The following RBFOX1 variants were observed in gnomAD, a reference collection of about 807,000 sequenced individuals.
The protein encoded by RBFOX1 is RNA binding protein fox-1 homolog 1.
Under a neutral mutation model 57.7 loss-of-function variants are expected in RBFOX1, and 8 were observed. The ratio of observed to expected loss-of-function variants is 0.14; its 90% CI spans 0.08 to 0.25. The LOEUF (loss-of-function observed/expected upper bound fraction) is 0.25, where lower values mean the gene tolerates loss of function less well. RBFOX1 is among the 10% of genes least tolerant of loss of function. RBFOX1 has a pLI of 1.00. For missense variants in RBFOX1, 611 were observed against 548.5 expected (o/e 1.11, Z -1.14); for synonymous variants, 326 against 222.4 (o/e 1.47, Z -4.15).
At chr16:6,821,974 G>A (rs907562657) in intron 3 of RBFOX1, among the ~76,000 whole-genome samples, 4 of 152,102 alleles carry the variant, frequency 2.6e-5, no homozygotes, top group Non-Finnish European at 5.9e-5. Flanking sequence ...TACTGTTTGG[G>A]GATGGATGAT....
In RBFOX1 at chr16:6,461,018, C is replaced by T. The variant is rs1207754042; in HGVS notation, c.-64+143961C>T. Among the ~76,000 whole-genome samples the T allele has an allele frequency of 2.0e-5, 3 of 152,138 alleles. No individual in the cohort carries two copies. The East Asian group carries it at 5.8e-4, about 29-fold the overall frequency. On this transcript the variant is annotated intron_variant, in intron 2 of 15. Coordinates refer to ENST00000550418, the MANE Select transcript of RBFOX1 (RefSeq NM_018723.4). ...TAAAGCAAGAACAGAAAACCAAACA[C>T]TGCATGCTCTCACTTATAAGTGGGA...
chr16:6,717,798 A>G (rs1164236633), intron 3 of RBFOX1, among the ~76,000 whole-genome samples: 1 of 152,170 alleles, frequency 6.6e-6, no homozygotes, highest in Non-Finnish European at 1.5e-5. Context: ...ACCCAGCAGA[A>G]AATATTGGGT....
At chr16:7,290,587 G>A (rs781488479) in intron 4 of RBFOX1, among the ~76,000 whole-genome samples, 7 of 152,158 alleles carry the variant, frequency 4.6e-5, no homozygotes, top group Non-Finnish European at 1.0e-4. Context: ...AATGGAAGAG[G>A]ACTAATATTT....
intron 2 of RBFOX1, among the ~76,000 whole-genome samples, chr16:6,627,506 G>C (rs2098326602): frequency 6.6e-6 from 1 of 152,190 alleles, no homozygotes; most frequent in South Asian, 2.1e-4. Flanking sequence ...CCCTGAAACA[G>C]TCATAACACA....
At chr16:5,472,963 T>G (rs1418108193) in intron 2 of RBFOX1, among the ~76,000 whole-genome samples, 1 of 152,186 alleles carries the variant, frequency 6.6e-6, no homozygotes, top group East Asian at 1.9e-4. Flanking sequence ...TATCAGACTA[T>G]GTCCAGACAG....
chr16:5,908,220 A>G (rs1273344155), intron 4 of RBFOX1, among the ~76,000 whole-genome samples: 1 of 145,070 alleles, frequency 6.9e-6, no homozygotes, highest in Non-Finnish European at 1.5e-5. Context: ...ATATATACAT[A>G]TATACACACA....
intron 3 of RBFOX1, among the ~76,000 whole-genome samples, chr16:7,018,948 G>A (rs775047295): frequency 7.9e-5 from 12 of 152,034 alleles, no homozygotes; most frequent in South Asian, 4.1e-4. Flanking sequence ...GTGAGACCTC[G>A]TCTCTACAAA....
At chr16:6,994,258 T>C (rs1373438490) in intron 3 of RBFOX1, among the ~76,000 whole-genome samples, 1 of 152,194 alleles carries the variant, frequency 6.6e-6, no homozygotes, top group Non-Finnish European at 1.5e-5. Context: ...CACAGTTTTA[T>C]CTAATGGAAT....
At chr16:6,682,266 C>A (rs1193965949) in intron 3 of RBFOX1, among the ~76,000 whole-genome samples, 1 of 152,214 alleles carries the variant, frequency 6.6e-6, no homozygotes, top group Non-Finnish European at 1.5e-5. Context: ...ATAGGAAGCA[C>A]ACAGCCCTGC....
intron 1 of RBFOX1, among the ~76,000 whole-genome samples, chr16:5,454,929 TCC>T (rs765867331): frequency 0.3 from 21,618 of 71,078 alleles, 4,204 homozygotes; most frequent in East Asian, 0.46. Flanking sequence ...GTTTCTTTCT[TCC>T]TTCCTTCCTT....
At chr16:5,877,100 A>G (rs2057631594) in intron 4 of RBFOX1, among the ~76,000 whole-genome samples, 1 of 152,232 alleles carries the variant, frequency 6.6e-6, no homozygotes, top group Non-Finnish European at 1.5e-5. Context: ...CCCTCCTAAC[A>G]GAATAAAAGA....
chr16:7,095,626 C>G (rs1476311874), intron 4 of RBFOX1, among the ~76,000 whole-genome samples: 1 of 152,096 alleles, frequency 6.6e-6, no homozygotes, highest in African/African-American at 2.4e-5. Flanking sequence ...TGATACATAC[C>G]AGGTGGGAGC....
rs982369193 is a variant in RBFOX1 at position 7,549,070 on chromosome 16, A to G, written c.270+30681A>G. Among the ~76,000 whole-genome samples the G allele has an allele frequency of 6.6e-5, 10 of 152,234 alleles. No individual in the cohort carries two copies. In the South Asian group the frequency reaches 8.3e-4, roughly 13 times the overall value. ...GGTGGACAGGAAGGACTTTCTGAAG[A>G]GGCGACATTTAAGCCGATGACTAAG... On this transcript the variant is annotated intron_variant, in intron 5 of 15. Transcript: ENST00000550418.
intron 1 of RBFOX1, among the ~76,000 whole-genome samples, chr16:5,465,628 C>T (rs540202050): frequency 6.6e-6 from 1 of 152,174 alleles, no homozygotes; most frequent in Non-Finnish European, 1.5e-5. Context: ...ATGGAGCTGA[C>T]TCACCCTAGC....
intron 1 of RBFOX1, among the ~76,000 whole-genome samples, chr16:6,074,928 C>G (rs369460424): frequency 5.9e-5 from 9 of 151,998 alleles, no homozygotes; most frequent in African/African-American, 1.9e-4. Context: ...TAGCAAGACA[C>G]CATCTCTAAA....
intron 1 of RBFOX1, among the ~76,000 whole-genome samples, chr16:6,175,424 C>A (rs1045076228): frequency 1.3e-5 from 2 of 151,994 alleles, no homozygotes; most frequent in African/African-American, 4.8e-5. Flanking sequence ...TGCTAGAGCT[C>A]AGAGTAGAGA....
intron 5 of RBFOX1, among the ~76,000 whole-genome samples, chr16:7,551,241 C>T (rs1014373778): frequency 6.6e-6 from 1 of 152,044 alleles, no homozygotes; most frequent in African/African-American, 2.4e-5. Flanking sequence ...TTCCATGCAA[C>T]CAACCACCAC....
chr16:6,565,301 G>A (rs1451381802), intron 2 of RBFOX1, among the ~76,000 whole-genome samples: 1 of 150,490 alleles, frequency 6.6e-6, no homozygotes, highest in African/African-American at 2.4e-5. Context: ...CTGTTGCCCA[G>A]GCTGGAGCTC....
chr16:7,011,651 C>G (rs993203793), intron 3 of RBFOX1, among the ~76,000 whole-genome samples: 19 of 152,220 alleles, frequency 1.2e-4, no homozygotes, highest in Admixed American at 1.0e-3. Flanking sequence ...GTACCTGGGA[C>G]TACAGGTGCC....
Sources: allele counts gnomAD v4.1 joint callset (sites outside exome capture counted in the v4.1 genomes callset), GRCh38; gene constraint gnomAD v4.1.1; transcripts MANE v1.5; gene names NCBI Gene and HGNC (gene_info 2026-07-23, HGNC 2026-07-21).